WDR25: variants seen among roughly 807,000 people sequenced by gnomAD.
The protein encoded by WDR25 is WD repeat domain 25.
A neutral mutation model predicts 47.7 loss-of-function variants in WDR25; 35 were observed. The ratio of observed to expected loss-of-function variants is 0.73; its 90% CI spans 0.56 to 0.97. The LOEUF is 0.97. Ranked by LOEUF, WDR25 falls within the 50% of genes least tolerant of loss-of-function variation. The pLI, the probability that WDR25 is intolerant of heterozygous loss-of-function variation, is 0.00. For missense variants in WDR25, 634 were observed against 704.7 expected (o/e 0.90, Z 1.14); for synonymous variants, 248 against 278.9 (o/e 0.89, Z 1.10).
At chr14:100,445,822 C>G (rs1319124307) in intron 2 of WDR25, among the ~76,000 whole-genome samples, 1 of 152,202 alleles carries the variant, frequency 6.6e-6, no homozygotes, top group Non-Finnish European at 1.5e-5. Context: ...TCTACCCTGA[C>G]TCAGGCATCG....
intron 2 of WDR25, among the ~76,000 whole-genome samples, chr14:100,402,465 T>C (rs1332198519): frequency 1.3e-5 from 2 of 152,104 alleles, no homozygotes; most frequent in Non-Finnish European, 2.9e-5. Context: ...GTTATTGTCA[T>C]AGGCAGGAAC....
rs140773441 is a variant in WDR25, at chr14:100,501,093, C to G, written c.1101+16969C>G. Among the ~76,000 whole-genome samples, 41 of 152,270 alleles carry G rather than the reference C, an allele frequency of 2.7e-4. 1 individual carries two copies. The East Asian group carries it at 6.2e-3, about 23-fold the overall frequency. On this transcript the variant is annotated intron_variant, in intron 4 of 6. Coordinates refer to ENST00000402312, the MANE Select transcript of WDR25 (RefSeq NM_001161476.3). ...TAGTGCATGGTACAGAGGGGTCCGG[C>G]TTGAATGTCAGGCCATGGAGTAGGT...
At chr14:100,388,161 AATTT>A (rs1897059471) in intron 2 of WDR25, among the ~76,000 whole-genome samples, 1 of 152,204 alleles carries the variant, frequency 6.6e-6, no homozygotes, top group East Asian at 1.9e-4. Flanking sequence ...GATGATTGGC[AATTT>A]ATTCTAAGCA....
intron 4 of WDR25, chr14:100,487,712 GTT>G (rs1900431816): frequency 6.6e-6 from 1 of 152,180 alleles, no homozygotes; most frequent in Non-Finnish European, 1.5e-5. Flanking sequence ...TGTATAAGTT[GTT>G]TCTCTCTCTT....
chr14:100,512,112 C>T (rs2140365102), intron 4 of WDR25, among the ~76,000 whole-genome samples: 1 of 152,190 alleles, frequency 6.6e-6, no homozygotes, highest in South Asian at 2.1e-4. Flanking sequence ...ATTCTGGCTT[C>T]ATAGAACAAA....
At chr14:100,403,002 C>A (rs1040238547) in intron 2 of WDR25, among the ~76,000 whole-genome samples, 1 of 151,954 alleles carries the variant, frequency 6.6e-6, no homozygotes. Context: ...ACGTTCTTGA[C>A]CCTGTCTCGC....
At chr14:100,522,978 TG>T (rs1214207988) in intron 4 of WDR25, among the ~76,000 whole-genome samples, 1 of 152,188 alleles carries the variant, frequency 6.6e-6, no homozygotes, top group African/African-American at 2.4e-5. Flanking sequence ...GGGCAGGGGC[TG>T]GCTCAATCAG....
Position 100,437,011 on chromosome 14 carries a change from T to C in WDR25, c.823-31010T>C, listed in dbSNP as rs116854253. 4.5e-3 allele frequency among the ~76,000 whole-genome samples: 681 copies of C among 152,338 alleles called. 1 individual carries two copies. Among genetic ancestry groups the C allele is most frequent in the Non-Finnish European group, 7.7e-3 (523 of 68,030 alleles). ...GCCTAGAAGAGCACTGAAGGCCTTT[T>C]AGCACTGGGGCTGTGCCTTAGCCAT... On this transcript the variant is annotated intron_variant, in intron 2 of 6. Transcript: ENST00000402312.
At chr14:100,444,243 G>A (rs1350344693) in intron 2 of WDR25, among the ~76,000 whole-genome samples, 1 of 152,226 alleles carries the variant, frequency 6.6e-6, no homozygotes, top group Non-Finnish European at 1.5e-5. Context: ...CGGTCAGAGG[G>A]AGCTGAAGCC....
intron 2 of WDR25, among the ~76,000 whole-genome samples, chr14:100,397,483 G>A (rs1897285310): frequency 6.6e-6 from 1 of 152,208 alleles, no homozygotes; most frequent in Non-Finnish European, 1.5e-5. Context: ...CTAGGGATGG[G>A]AGTGTGATAC....
chr14:100,485,285 C>T (rs1900346192), intron 4 of WDR25, among the ~76,000 whole-genome samples: 1 of 152,214 alleles, frequency 6.6e-6, no homozygotes, highest in African/African-American at 2.4e-5. Context: ...TCTCATTTCT[C>T]TCCATAGCAT....
intron 2 of WDR25, among the ~76,000 whole-genome samples, chr14:100,383,224 C>T (rs1234149877): frequency 2.0e-5 from 3 of 152,160 alleles, no homozygotes; most frequent in African/African-American, 4.8e-5. Context: ...CTCTCTTCAG[C>T]CTGGAGTTCC....
intron 2 of WDR25, among the ~76,000 whole-genome samples, chr14:100,438,238 C>T (rs1300736335): frequency 6.6e-6 from 1 of 152,182 alleles, no homozygotes; most frequent in African/African-American, 2.4e-5. Context: ...AACTTGGTTT[C>T]AGTTATTCCT....
At chr14:100,473,159 G>C (rs1224167812) in intron 3 of WDR25, among the ~76,000 whole-genome samples, 1 of 152,202 alleles carries the variant, frequency 6.6e-6, no homozygotes, top group Non-Finnish European at 1.5e-5. Context: ...CTTGCTGTGG[G>C]CTGGGCCCTG....
chr14:100,511,894 T>G (rs1439892709), intron 4 of WDR25, among the ~76,000 whole-genome samples: 1 of 152,154 alleles, frequency 6.6e-6, no homozygotes, highest in Non-Finnish European at 1.5e-5. Context: ...GTTAATATGG[T>G]GGATTTTGTC....
At chr14:100,466,339 GCT>G (rs1899628766) in intron 2 of WDR25, among the ~76,000 whole-genome samples, 1 of 152,226 alleles carries the variant, frequency 6.6e-6, no homozygotes, top group African/African-American at 2.4e-5. Context: ...AGGTTTCAGA[GCT>G]CTGATCCTTT....
rs1900886524 is a variant in WDR25, at chr14:100,500,541, T to C, written c.1101+16417T>C. 6.6e-6 allele frequency among the ~76,000 whole-genome samples: 1 copy of C among 152,192 alleles called. No individual in the cohort carries two copies. Among genetic ancestry groups the C allele is most frequent in the Admixed American group, 6.5e-5 (1 of 15,282 alleles). On this transcript the variant is annotated intron_variant, in intron 4 of 6. Transcript: ENST00000402312. This position sits in a 1 kb window ranked among gnomAD's most constrained non-coding sequence, Gnocchi z 4.7. ...TTGACCCTGTGCCTCATTAGAGAGA[T>C]AGACCCCTCCCCTCAGTGCCCTAGT...
Position 100,407,813 on chromosome 14 carries a change from G to A in WDR25, c.822+26067G>A, listed in dbSNP as rs1311713772. Among the ~76,000 whole-genome samples the A allele has an allele frequency of 1.4e-5, 2 of 144,878 alleles. No individual in the cohort carries two copies. The highest frequency in any genetic ancestry group is 5.7e-5 in the African/African-American group (2 of 35,032). On this transcript the variant is annotated intron_variant, in intron 2 of 6. Coordinates refer to ENST00000402312, the MANE Select transcript of WDR25 (RefSeq NM_001161476.3). The surrounding 1 kb of genome is among the most constrained non-coding windows in gnomAD (Gnocchi z 4.1). The stretch of plus-strand genomic sequence containing the variant: ...AGAGCTGGGATTGGAGATGTAGCCC[G>A]TCCCCGTTCAGGAGCCTCTCACGTG...
intron 2 of WDR25, among the ~76,000 whole-genome samples, chr14:100,395,972 GTT>G (rs575737706): frequency 5.1e-5 from 6 of 117,254 alleles, no homozygotes; most frequent in African/African-American, 9.8e-5. Context: ...TCTGTGAAAT[GTT>G]TTTTTTTTTT....
Sources: allele counts gnomAD v4.1 joint callset (sites outside exome capture counted in the v4.1 genomes callset), GRCh38; gene constraint gnomAD v4.1.1; non-coding constraint Gnocchi (gnomAD v3.1); transcripts MANE v1.5; gene names NCBI Gene and HGNC (gene_info 2026-07-23, HGNC 2026-07-21).